Variants in CRNKL1 observed in about 807,000 individuals in gnomAD.
The protein encoded by CRNKL1 is crooked neck-like protein 1.
CRNKL1 carries 35 observed loss-of-function variants against 103.7 expected under a neutral mutation model. The observed-to-expected ratio is 0.34, with a 90% CI of 0.26 to 0.45. The LOEUF is 0.45. Ranked by LOEUF, CRNKL1 falls within the 20% of genes least tolerant of loss-of-function variation. The pLI is 1.00. For missense variants in CRNKL1, 645 were observed against 836.0 expected (o/e 0.77, Z 2.82); for synonymous variants, 267 against 282.6 (o/e 0.94, Z 0.55).
chr20:20,039,474 G>A (rs2043476986), intron 11 of CRNKL1, 135 bp downstream of exon 11: 5 of 1,080,274 alleles, frequency 4.6e-6, no homozygotes, highest in Non-Finnish European at 1.3e-6. Flanking sequence ...CCACGTACAA[G>A]CCTAATCTGA....
rs1410912105 is a variant in CRNKL1 at position 20,034,490 on chromosome 20, T to TATTA, written c.*1701_*1704dup. On this transcript the variant is annotated 3_prime_UTR_variant, in exon 14 of 14. Transcript: ENST00000536226. Reference sequence around the variant, plus strand: ...TCCAGCTTTCACACTGGCACATGCTTATTACAATTCTACCTTGGGAACATG... The same window carrying TATTA: ...TCCAGCTTTCACACTGGCACATGCTTATTAATTACAATTCTACCTTGGGAACATG... The TATTA allele has an allele frequency of 2.6e-5, 4 of 152,218 alleles. No individual in the cohort carries two copies. In the South Asian group the frequency reaches 6.2e-4, roughly 24 times the overall value. 9.4% of individuals were successfully genotyped at this position (152,218 alleles called of 1,614,324 possible). A position where few individuals can be genotyped will look rare whatever the true frequency, so the allele number is the denominator to read the frequency against.
At chr20:20,045,200 A>T in intron 6 of CRNKL1, 108 bp downstream of exon 6, 1 of 931,378 alleles carries the variant, frequency 1.1e-6, no homozygotes, top group Non-Finnish European at 1.6e-6. Flanking sequence ...TTTTGAAAAC[A>T]TCTTTCCAGG....
upstream of CRNKL1, among the ~76,000 whole-genome samples, chr20:20,055,422 A>C (rs1034419771): frequency 6.6e-6 from 1 of 152,130 alleles, no homozygotes; most frequent in Non-Finnish European, 1.5e-5. Context: ...TAATTTTTCT[A>C]GCCCCCTCAC....
chr20:20,052,203 G>C, intron 1 of CRNKL1, 89 bp downstream of exon 1: 1 of 1,154,740 alleles, frequency 8.7e-7, no homozygotes, highest in Non-Finnish European at 1.2e-6. Context: ...TCCCCGGCGG[G>C]AACACTCTCT....
chr20:20,043,171 T>G (rs774647046), intron 7 of CRNKL1, among the ~76,000 whole-genome samples: 41 of 152,330 alleles, frequency 2.7e-4, no homozygotes, highest in African/African-American at 9.1e-4. Context: ...TGGACCAATC[T>G]CTGACTCTTC....
intron 1 of CRNKL1, 61 bp from the exon 2 acceptor site, chr20:20,050,683 C>G: frequency 6.9e-7 from 1 of 1,458,612 alleles, no homozygotes; most frequent in Non-Finnish European, 9.3e-7. Flanking sequence ...GCTTAAGAAA[C>G]AAACATACAT....
rs778991040 is a variant in CRNKL1, at chr20:20,047,791, T to G, written c.596A>C (p.Asp199Ala). 1.2e-6 allele frequency: 2 copies of G among 1,614,096 alleles called. No homozygotes were observed. Among genetic ancestry groups the G allele is most frequent in the African/African-American group, 2.7e-5 (2 of 74,932 alleles). ...TCGCTCATAAATGGTGCGGGCCCGA[T>G]CCACCTCTTTGTATCTCAGCTCAAA... ...INFELRYKEV[D>A]RARTIYERFV... is the part of the protein sequence containing the mutation. The change falls in exon 5 of 14, where the codon GAT becomes GCT. Residue 199 changes from aspartate to alanine, a missense_variant. Around this residue, in one of 2 missense-constraint regions of CRNKL1, gnomAD observed 582 missense variants for 707.7 expected, o/e 0.82. Transcript: ENST00000536226.
At chr20:20,040,176 G>A (rs2043489030) in intron 10 of CRNKL1, among the ~76,000 whole-genome samples, 1 of 152,092 alleles carries the variant, frequency 6.6e-6, no homozygotes, top group Non-Finnish European at 1.5e-5. Flanking sequence ...ACAAGGCATG[G>A]TGGCTCATGC....
At position 20,037,386 on chromosome 20, in the gene CRNKL1, C is replaced by T. The variant is rs758802093; in HGVS notation, c.1833G>A (p.Glu611=). 1.9e-6 allele frequency: 3 copies of T among 1,614,164 alleles called. No individual in the cohort carries two copies. The highest frequency in any genetic ancestry group is 1.7e-5 in the Admixed American group (1 of 60,022). The change falls in exon 13 of 14, where the codon GAG becomes GAA. Residue 611 remains glutamate, a synonymous_variant. Coordinates refer to ENST00000536226, the MANE Select transcript of CRNKL1 (RefSeq NM_001278628.2). ...EEEFGTASDK[E]RVDKLMPEKV... is the part of the protein sequence containing the mutation. ...TCTCTGGCATGAGTTTGTCTACTCT[C>T]TCCTTATCTGAAGCTGTTCCAAATT...
In CRNKL1 at chr20:20,045,302, A is replaced by G; in HGVS notation, c.801+6T>C. On this transcript the variant is annotated splice_donor_region_variant and intron_variant, in intron 6 of 13. Coordinates refer to ENST00000536226, the MANE Select transcript of CRNKL1 (RefSeq NM_001278628.2). ...TTTACAGTATAATGAAGTTAGGTATACTTACCTCTTTCTGATTTTCTTCAA... is the reference window on the plus strand; with the variant it reads ...TTTACAGTATAATGAAGTTAGGTATGCTTACCTCTTTCTGATTTTCTTCAA... 6.2e-7 allele frequency: 1 copy of G among 1,608,168 alleles called. No individual in the cohort carries two copies. The highest frequency in any genetic ancestry group is 1.7e-5 in the Admixed American group (1 of 59,544).
At chr20:20,054,048 T>C (rs1350279293), upstream of CRNKL1, among the ~76,000 whole-genome samples, 1 of 150,224 alleles carries the variant, frequency 6.7e-6, no homozygotes, top group Non-Finnish European at 1.5e-5. Flanking sequence ...AAAAATGTAT[T>C]ATCCTTCTTA....
intron 13 of CRNKL1, 56 bp downstream of exon 13, chr20:20,037,267 A>G: frequency 6.4e-7 from 1 of 1,571,892 alleles, no homozygotes. Context: ...TTTCGACGTC[A>G]GAAGTGTTTC....
chr20:20,045,452 G>A lies in CRNKL1; in HGVS notation c.657C>T (p.Ile219=). ...GTTTTTCTTCAAAGCGGGCATACTTGATCCAGTTCTTAACATCAGGGTGCA... is the reference window on the plus strand; with the variant it reads ...GTTTTTCTTCAAAGCGGGCATACTTAATCCAGTTCTTAACATCAGGGTGCA... ...VLVHPDVKNW[I]KYARFEEKHA... is the part of the protein sequence containing the mutation. Residue 219 remains isoleucine, a synonymous_variant, in exon 6 of 14, where the codon ATC becomes ATT. Transcript: ENST00000536226. 1 of 1,611,864 alleles carries A rather than the reference G, an allele frequency of 6.2e-7. No homozygotes were observed. Among genetic ancestry groups the A allele is most frequent in the Non-Finnish European group, 8.5e-7 (1 of 1,178,986 alleles).
chr20:20,045,916 A>G (rs1428131698), intron 5 of CRNKL1, among the ~76,000 whole-genome samples: 1 of 152,226 alleles, frequency 6.6e-6, no homozygotes. Flanking sequence ...GTTTCTAGCC[A>G]AAAGAACATG....
At position 20,034,557 on chromosome 20, in the gene CRNKL1, A is replaced by G. The variant is rs561149527; in HGVS notation, c.*1638T>C. ...ATGCATTCATGCAACATAAACAGAT[A>G]ATTCTAGGAAGACTGTGATTAAGTC... On this transcript the variant is annotated 3_prime_UTR_variant, in exon 14 of 14. Transcript: ENST00000536226. 1 of 152,252 alleles carries G rather than the reference A, an allele frequency of 6.6e-6. No homozygotes were observed. Among genetic ancestry groups the G allele is most frequent in the African/African-American group, 2.4e-5 (1 of 41,538 alleles). The allele number at this position is 152,252 out of a possible 1,614,324, so 9.4% of individuals were successfully genotyped here.
chr20:20,041,900 T>C (rs931266753), intron 8 of CRNKL1, among the ~76,000 whole-genome samples: 11 of 152,238 alleles, frequency 7.2e-5, no homozygotes, highest in Non-Finnish European at 1.3e-4. Flanking sequence ...AGATGTTTCA[T>C]AGTCTCAGAT....
chr20:20,043,369 G>A (rs1421065759), intron 7 of CRNKL1, 123 bp downstream of exon 7: 4 of 933,778 alleles, frequency 4.3e-6, no homozygotes, highest in East Asian at 2.5e-5. Context: ...ATTGGATCAC[G>A]GGCACATCAT....
chr20:20,043,485 T>A lies in CRNKL1; in HGVS notation c.972+7A>T. On this transcript the variant is annotated splice_region_variant and intron_variant, in intron 7 of 13. Transcript: ENST00000536226. The stretch of plus-strand genomic sequence containing the variant: ...CTGCAGAGTTGACCATCCACACCAG[T>A]GCTCACCTTCACTTCTTCTTCGTAC... 1.2e-6 allele frequency: 2 copies of A among 1,612,558 alleles called. No homozygotes were observed. Among genetic ancestry groups the A allele is most frequent in the Non-Finnish European group, 1.7e-6 (2 of 1,178,638 alleles).
chr20:20,049,946 T>G (rs1206946671), intron 2 of CRNKL1, among the ~76,000 whole-genome samples: 12 of 152,110 alleles, frequency 7.9e-5, no homozygotes, highest in Admixed American at 2.0e-4. Context: ...GCCTCCCGAA[T>G]AGCTGGGATT....
Sources: gnomAD v4.1 joint callset for allele counts (sites outside exome capture counted in the v4.1 genomes callset) on GRCh38, gnomAD v4.1.1 for gene constraint, gnomAD v4.1.1 regional missense constraint, MANE v1.5 for transcripts, NCBI Gene and HGNC (gene_info 2026-07-23, HGNC 2026-07-21) for gene names.